The following PTPRC variants were observed in gnomAD, a reference collection of about 807,000 sequenced individuals.
The protein encoded by PTPRC is protein tyrosine phosphatase receptor type C.
Under a neutral mutation model 155.9 loss-of-function variants are expected in PTPRC, and 44 were observed. That is an observed-to-expected ratio of 0.28 (90% confidence interval 0.22 to 0.36). The LOEUF is 0.36. PTPRC is among the 10% of genes least tolerant of loss of function. The pLI, the probability that PTPRC is intolerant of heterozygous loss-of-function variation, is 1.00. For missense variants in PTPRC, 1,401 were observed against 1,564.6 expected (o/e 0.90, Z 1.76); for synonymous variants, 525 against 533.1 (o/e 0.98, Z 0.21).
At chr1:198,670,927 A>G (rs189514792) in intron 2 of PTPRC, among the ~76,000 whole-genome samples, 12 of 152,302 alleles carry the variant, frequency 7.9e-5, no homozygotes, top group East Asian at 1.9e-4. Context: ...AACTATTTAC[A>G]TAGCATTTAT....
rs1655338516 is a variant in PTPRC at position 198,750,625 on chromosome 1, A to G, written c.3206A>G (p.Gln1069Arg). ...VMLTELKHGD[Q>R]EICAQYWGEG... ...CTGACAGAACTGAAACATGGAGACC[A>G]GGTTTGTACTTTTGAGGATTTTCTT... The change falls in exon 29 of 33, where the codon CAG (glutamine) becomes CGG (arginine). Residue 1069 changes from glutamine (Q) to arginine (R), a missense_variant and splice_region_variant. Transcript: ENST00000442510. 8 of 1,612,460 alleles carry G rather than the reference A, an allele frequency of 5.0e-6. No homozygotes were observed. Among genetic ancestry groups the G allele is most frequent in the Non-Finnish European group, 6.8e-6 (8 of 1,178,998 alleles).
At chr1:198,683,388 C>T (rs1196845177) in intron 2 of PTPRC, among the ~76,000 whole-genome samples, 2 of 152,050 alleles carry the variant, frequency 1.3e-5, no homozygotes, top group African/African-American at 2.4e-5. Context: ...AAAACATACA[C>T]TTACTAAGGG....
At position 198,716,667 on chromosome 1, in the gene PTPRC, C is replaced by A; in HGVS notation, c.1292-15C>A. 1 of 1,608,616 alleles carries A rather than the reference C, an allele frequency of 6.2e-7. No homozygotes were observed. Among genetic ancestry groups the A allele is most frequent in the South Asian group, 1.1e-5 (1 of 90,638 alleles). Reference sequence around the variant, plus strand: ...TTTTAACGACTTACTAATTTTTTTTCACATTTTTCCTCAGAAAAAGATTGC... The same window carrying A: ...TTTTAACGACTTACTAATTTTTTTTAACATTTTTCCTCAGAAAAAGATTGC... On this transcript the variant is annotated splice_polypyrimidine_tract_variant and intron_variant, in intron 12 of 32. Transcript: ENST00000442510.
intron 4 of PTPRC, among the ~76,000 whole-genome samples, chr1:198,699,165 TTTC>T (rs2102391938): frequency 6.6e-6 from 1 of 152,362 alleles, no homozygotes; most frequent in South Asian, 2.1e-4. Context: ...CATTTTTAAA[TTTC>T]TTCTTTTCTT....
intron 12 of PTPRC, among the ~76,000 whole-genome samples, chr1:198,715,446 G>T (rs905531639): frequency 6.6e-6 from 1 of 151,916 alleles, no homozygotes; most frequent in South Asian, 2.1e-4. Context: ...TTGGAGAACT[G>T]CAGTTTTATC....
At chr1:198,677,776 C>T (rs181321021) in intron 2 of PTPRC, among the ~76,000 whole-genome samples, 1 of 152,240 alleles carries the variant, frequency 6.6e-6, no homozygotes, top group East Asian at 1.9e-4. Flanking sequence ...ATCCTCATAT[C>T]AACTCATATA....
rs1346400538 is a variant in PTPRC at position 198,688,909 on chromosome 1, C to T, written c.74-3438C>T. ...TCAAGTCTGGCTCACATATACTAGACTGGCCTTGTGAACTTGGCCAAGACA... is the reference window on the plus strand; with the variant it reads ...TCAAGTCTGGCTCACATATACTAGATTGGCCTTGTGAACTTGGCCAAGACA... On this transcript the variant is annotated intron_variant, in intron 2 of 32. Transcript: ENST00000442510. 1.1e-4 allele frequency among the ~76,000 whole-genome samples: 17 copies of T among 152,322 alleles called. No homozygotes were observed. In the South Asian group the frequency reaches 3.5e-3, roughly 32 times the overall value.
At chr1:198,737,763 TTAA>T (rs1051719565) in intron 23 of PTPRC, among the ~76,000 whole-genome samples, 4 of 151,800 alleles carry the variant, frequency 2.6e-5, no homozygotes, top group African/African-American at 9.7e-5. Flanking sequence ...TATGGACATT[TTAA>T]TAATACTGAG....
At chr1:198,737,665 A>G (rs1036246689) in intron 23 of PTPRC, among the ~76,000 whole-genome samples, 1 of 151,650 alleles carries the variant, frequency 6.6e-6, no homozygotes, top group African/African-American at 2.4e-5. Context: ...GGTTTCATAT[A>G]AATATTAGGA....
chr1:198,706,229 C>G (rs10919557), intron 8 of PTPRC, among the ~76,000 whole-genome samples: 14,461 of 151,932 alleles, frequency 0.095, 823 homozygotes, highest in Non-Finnish European at 0.12. Flanking sequence ...ATAATTTTAC[C>G]CAAGTTAAGG....
intron 2 of PTPRC, among the ~76,000 whole-genome samples, chr1:198,671,072 C>T (rs551516764): frequency 9.5e-4 from 144 of 151,948 alleles, no homozygotes; most frequent in African/African-American, 3.3e-3. Flanking sequence ...CTTATAAATA[C>T]TCATAATCAT....
chr1:198,715,217 G>A (rs894397033), intron 12 of PTPRC, among the ~76,000 whole-genome samples: 2 of 152,038 alleles, frequency 1.3e-5, no homozygotes, highest in Admixed American at 1.3e-4. Context: ...CCGCCTCCCA[G>A]GTTCACGCCA....
In PTPRC at chr1:198,756,332, A is replaced by C. The variant is rs1319941718; in HGVS notation, c.*151A>C. The C allele has an allele frequency of 6.8e-6, 7 of 1,023,160 alleles. No homozygotes were observed. The highest frequency in any genetic ancestry group is 8.5e-6 in the Non-Finnish European group (6 of 707,248). The allele number at this position is 1,023,160 out of a possible 1,614,324, so 63.4% of individuals were successfully genotyped here. On this transcript the variant is annotated 3_prime_UTR_variant, in exon 33 of 33. Coordinates refer to ENST00000442510, the MANE Select transcript of PTPRC (RefSeq NM_002838.5). ...GGTTATATTTTACTACTGTGGAAAA[A>C]TATTTAAGATAGTTTTGCCAGAACA...
At chr1:198,642,904 CTTCCTTTCTTT>C (rs1557960106) in intron 2 of PTPRC, among the ~76,000 whole-genome samples, 1,799 of 143,442 alleles carry the variant, frequency 0.013, 13 homozygotes, top group Middle Eastern at 0.022. Context: ...TTCTTTCTTT[CTTCCTTTCTTT>C]CTTTCTTTCT....
At chr1:198,722,608 A>G (rs560641853) in intron 15 of PTPRC, 132 bp downstream of exon 15, 6 of 412,124 alleles carry the variant, frequency 1.5e-5, no homozygotes, top group African/African-American at 2.2e-5. Flanking sequence ...TAAATGTAAT[A>G]TTTTTAATTG....
intron 2 of PTPRC, among the ~76,000 whole-genome samples, chr1:198,674,591 G>A (rs1289950935): frequency 1.3e-5 from 2 of 149,272 alleles, no homozygotes; most frequent in African/African-American, 4.9e-5. Context: ...AATAACTGGG[G>A]CTATGATTGC....
chr1:198,661,908 G>A (rs557453631), intron 2 of PTPRC, among the ~76,000 whole-genome samples: 49 of 152,088 alleles, frequency 3.2e-4, no homozygotes, highest in Admixed American at 1.8e-3. Flanking sequence ...ACCTACCTCC[G>A]GTTAGCCTCC....
chr1:198,659,475 G>T (rs188528714), intron 2 of PTPRC, among the ~76,000 whole-genome samples: 1 of 152,218 alleles, frequency 6.6e-6, no homozygotes, highest in African/African-American at 2.4e-5. Context: ...ACGATAGTTC[G>T]GACTGTCTGA....
At chr1:198,672,091 G>T (rs1012570167) in intron 2 of PTPRC, among the ~76,000 whole-genome samples, 1 of 152,130 alleles carries the variant, frequency 6.6e-6, no homozygotes, top group African/African-American at 2.4e-5. Context: ...GTTACATCTG[G>T]GTTGGTCAAA....
Sources: gnomAD v4.1 joint callset for allele counts (sites outside exome capture counted in the v4.1 genomes callset) on GRCh38, gnomAD v4.1.1 for gene constraint, MANE v1.5 for transcripts, NCBI Gene and HGNC (gene_info 2026-07-23, HGNC 2026-07-21) for gene names.